Variants in RIMBP2 observed in about 807,000 individuals in gnomAD.
RIMBP2 encodes RIMS-binding protein 2.
A neutral mutation model predicts 118.6 loss-of-function variants in RIMBP2; 48 were observed. That is an observed-to-expected ratio of 0.40 (90% CI 0.32 to 0.51). RIMBP2 has a LOEUF of 0.51. Among genes scored for constraint, RIMBP2 ranks in the 20% least tolerant of loss-of-function variants. RIMBP2 has a pLI of 0.41. For synonymous variants in RIMBP2, 762 were observed against 742.9 expected (o/e 1.03, Z -0.42); for missense variants, 1,551 against 1,768.3 (o/e 0.88, Z 2.20).
At position 130,540,274 on chromosome 12, in the gene RIMBP2, G is replaced by A. The variant is rs998182952; in HGVS notation, c.-216-22357C>T. ...AAGATGGGTTGCCAGTGGATGAGAA[G>A]GGCACTGGGCAGACTCATGGGTAGG... On this transcript the variant is annotated intron_variant, in intron 2 of 22. Coordinates refer to ENST00000690449, the MANE Select transcript of RIMBP2 (RefSeq NM_001393629.1). Among the ~76,000 whole-genome samples, 123 of 152,190 alleles carry A rather than the reference G, an allele frequency of 8.1e-4. 2 individuals are homozygous for A. The highest frequency in any genetic ancestry group is 4.6e-4 in the Admixed American group (7 of 15,288).
intron 4 of RIMBP2, among the ~76,000 whole-genome samples, chr12:130,490,006 T>C (rs1198599702): frequency 1.3e-5 from 2 of 151,270 alleles, no homozygotes; most frequent in Non-Finnish European, 2.9e-5. Context: ...CACCTGTAGT[T>C]CCAGCTATTC....
rs1231531607 is a variant in RIMBP2, at chr12:130,510,186, A to G, written c.-126-3416T>C. ...ACGCATTCTCCCACAGGTGTGTTAC[A>G]AACGGCGCCAGAAGCTAGAGTCCAG... On this transcript the variant is annotated intron_variant, in intron 3 of 22. Coordinates refer to ENST00000690449, the MANE Select transcript of RIMBP2 (RefSeq NM_001393629.1). Among the ~76,000 whole-genome samples, 5 of 152,352 alleles carry G rather than the reference A, an allele frequency of 3.3e-5. No individual in the cohort carries two copies. The East Asian group carries it at 9.7e-4, about 29-fold the overall frequency.
At chr12:130,645,745 C>A (rs1020254552) in intron 1 of RIMBP2, among the ~76,000 whole-genome samples, 1 of 152,196 alleles carries the variant, frequency 6.6e-6, no homozygotes, top group Non-Finnish European at 1.5e-5. Context: ...TGATCTCTTC[C>A]TTATCGCTGG....
intron 2 of RIMBP2, among the ~76,000 whole-genome samples, chr12:130,549,752 C>T (rs759056336): frequency 6.6e-6 from 1 of 152,198 alleles, no homozygotes; most frequent in Non-Finnish European, 1.5e-5. Flanking sequence ...TTTATCCAGT[C>T]TGTCACTGAT....
chr12:130,625,705 C>T (rs1333838469), intron 2 of RIMBP2, among the ~76,000 whole-genome samples: 4 of 152,216 alleles, frequency 2.6e-5, no homozygotes, highest in African/African-American at 4.8e-5. Flanking sequence ...AAAAGACCAG[C>T]TCATTCCAAA....
chr12:130,456,735 G>A, intron 6 of RIMBP2, 35 bp from the exon 7 acceptor site: 2 of 1,527,190 alleles, frequency 1.3e-6, no homozygotes, highest in Non-Finnish European at 1.8e-6. Context: ...GGTCAGCGGT[G>A]GCATTTGGTG....
In RIMBP2 at chr12:130,622,874, C is replaced by T. The variant is rs1566388435; in HGVS notation, c.-217+5448G>A. ...TCAATGCTTAGATGTAACCTCTGTTCCCAGAGCTCATGGCATCGAGTAAAC... is the reference window on the plus strand; with the variant it reads ...TCAATGCTTAGATGTAACCTCTGTTTCCAGAGCTCATGGCATCGAGTAAAC... On this transcript the variant is annotated intron_variant, in intron 2 of 22. Coordinates refer to ENST00000690449, the MANE Select transcript of RIMBP2 (RefSeq NM_001393629.1). The surrounding 1 kb of genome is among the most constrained non-coding windows in gnomAD (Gnocchi z 8.5). Among the ~76,000 whole-genome samples, 1 of 152,320 alleles carries T rather than the reference C, an allele frequency of 6.6e-6. No individual in the cohort carries two copies. Among genetic ancestry groups the T allele is most frequent in the East Asian group, 1.9e-4 (1 of 5,194 alleles).
At chr12:130,664,461 G>GCC (rs2063828802) in intron 1 of RIMBP2, among the ~76,000 whole-genome samples, 1 of 42,440 alleles carries the variant, frequency 2.4e-5, no homozygotes, top group Non-Finnish European at 7.5e-5. Context: ...ACACATGCAC[G>GCC]CACACACACG....
intron 2 of RIMBP2, among the ~76,000 whole-genome samples, chr12:130,599,557 C>A (rs1053474701): frequency 6.6e-6 from 1 of 152,126 alleles, no homozygotes; most frequent in East Asian, 1.9e-4. Context: ...CTCAAAATAT[C>A]ATAATACCAT....
chr12:130,682,983 G>A (rs533051682), intron 1 of RIMBP2, among the ~76,000 whole-genome samples: 1 of 152,282 alleles, frequency 6.6e-6, no homozygotes, highest in South Asian at 2.1e-4. Context: ...GGCTTATTTT[G>A]TTGTCTAATT....
intron 1 of RIMBP2, among the ~76,000 whole-genome samples, chr12:130,645,633 G>C (rs1216579975): frequency 6.6e-6 from 1 of 152,214 alleles, no homozygotes; most frequent in African/African-American, 2.4e-5. Context: ...AAGCCATTTT[G>C]TGGCTACAAG....
chr12:130,699,525 C>T (rs1417834583), intron 1 of RIMBP2, among the ~76,000 whole-genome samples: 1 of 130,478 alleles, frequency 7.7e-6, no homozygotes, highest in Non-Finnish European at 1.5e-5. Flanking sequence ...GGGAACTGAA[C>T]AATGAGAACA....
intron 5 of RIMBP2, among the ~76,000 whole-genome samples, chr12:130,478,535 G>T (rs778582417): frequency 6.6e-6 from 1 of 152,150 alleles, no homozygotes; most frequent in East Asian, 1.9e-4. Flanking sequence ...GCAGGGCATC[G>T]TCCAGGATGG....
intron 18 of RIMBP2, among the ~76,000 whole-genome samples, chr12:130,413,034 A>G (rs1411985241): frequency 6.6e-6 from 1 of 152,056 alleles, no homozygotes; most frequent in African/African-American, 2.4e-5. Flanking sequence ...TCTTCTCATC[A>G]GGCAGGGTGT....
chr12:130,450,893 C>T lies in RIMBP2; in HGVS notation c.504+302G>A, dbSNP rs971431387. 5.9e-5 allele frequency among the ~76,000 whole-genome samples: 9 copies of T among 152,160 alleles called. No homozygotes were observed. Among genetic ancestry groups the T allele is most frequent in the African/African-American group, 2.2e-4 (9 of 41,434 alleles). ...CACAGGCCCCTCCCGGCCAGCTCTG[C>T]GTCAACAGCCTTGCTGCGTCATCCT... is the stretch of plus-strand genomic sequence containing the variant. On this transcript the variant is annotated intron_variant, in intron 8 of 22. Transcript: ENST00000690449. This position sits in a 1 kb window ranked among gnomAD's most constrained non-coding sequence, Gnocchi z 4.8.
intron 5 of RIMBP2, among the ~76,000 whole-genome samples, chr12:130,474,002 A>C (rs1387005874): frequency 6.6e-6 from 1 of 152,244 alleles, no homozygotes; most frequent in Non-Finnish European, 1.5e-5. Flanking sequence ...TGAATTATAA[A>C]TACGGAAAAG....
chr12:130,583,372 T>A (rs2058598918), intron 2 of RIMBP2, among the ~76,000 whole-genome samples: 1 of 151,672 alleles, frequency 6.6e-6, no homozygotes, highest in South Asian at 2.1e-4. Flanking sequence ...GTTATCATCA[T>A]CACCATGACC....
chr12:130,646,641 C>T (rs7968615), intron 1 of RIMBP2, among the ~76,000 whole-genome samples: 45,573 of 152,158 alleles, frequency 0.3, 6,966 homozygotes, highest in Admixed American at 0.39. Context: ...TAGGGAGCTT[C>T]AAATTTACCC....
At chr12:130,656,077 G>A (rs2063415507) in intron 1 of RIMBP2, among the ~76,000 whole-genome samples, 2 of 152,242 alleles carry the variant, frequency 1.3e-5, no homozygotes, top group African/African-American at 4.8e-5. Flanking sequence ...ACGGTGGAGG[G>A]TGGGGAGAAG....
Sources: allele counts gnomAD v4.1 joint callset (sites outside exome capture counted in the v4.1 genomes callset), GRCh38; gene constraint gnomAD v4.1.1; non-coding constraint Gnocchi (gnomAD v3.1); transcripts MANE v1.5; gene names NCBI Gene and HGNC (gene_info 2026-07-23, HGNC 2026-07-21).